The following RNF135 variants were observed in gnomAD, a reference collection of about 807,000 sequenced individuals.
RNF135 encodes the protein E3 ubiquitin-protein ligase RNF135.
Under a neutral mutation model 41.9 loss-of-function variants are expected in RNF135, and 46 were observed. The ratio of observed to expected loss-of-function variants is 1.10; its 90% CI spans 0.87 to 1.40. The LOEUF is 1.40. Ranked by LOEUF, RNF135 falls within the 40% of genes most tolerant of loss-of-function variation. The pLI is 0.00. For missense variants in RNF135, 539 were observed against 549.8 expected (o/e 0.98, Z 0.20); for synonymous variants, 238 against 223.8 (o/e 1.06, Z -0.57).
In RNF135 at chr17:30,999,136, G is replaced by A; in HGVS notation, c.1244G>A (p.Trp415Ter). 6.2e-7 allele frequency: 1 copy of A among 1,614,122 alleles called. No individual in the cohort carries two copies. Among genetic ancestry groups the A allele is most frequent in the Non-Finnish European group, 8.5e-7 (1 of 1,180,032 alleles). Reference sequence around the variant, plus strand: ...TCCTCTCCTTTGTACCCTGCCTTCTGGCTGTATGGCTTACATCCTGGAAAT... The same window carrying A: ...TCCTCTCCTTTGTACCCTGCCTTCTAGCTGTATGGCTTACATCCTGGAAAT... ...SASSPLYPAFWLYGLHPGNYL... is the reference protein window; with the variant it reads ...SASSPLYPAF The change falls in exon 5 of 5, where the codon TGG (tryptophan) becomes TAG (stop). Residue 415 changes from tryptophan to a stop codon, truncating the protein, a stop_gained. Transcript: ENST00000328381. LOFTEE classifies it high-confidence loss of function.
chr17:30,998,641 G>T (rs1567751047), intron 4 of RNF135, 21 bp from the exon 5 acceptor site: 4 of 1,608,732 alleles, frequency 2.5e-6, no homozygotes, highest in Non-Finnish European at 3.4e-6. Context: ...TGTTCTTATT[G>T]TTCTTTTTTT....
intron 1 of RNF135, 169 bp downstream of exon 1, chr17:30,971,614 G>A (rs944656302): frequency 1.8e-5 from 24 of 1,352,382 alleles, no homozygotes; most frequent in Non-Finnish European, 2.2e-5. Context: ...GTTCATAAAA[G>A]TATGAAGAAG....
Position 30,979,542 on chromosome 17 carries a change from C to A in RNF135, c.373-5075C>A, listed in dbSNP as rs1275232095. On this transcript the variant is annotated intron_variant, in intron 1 of 4. Transcript: ENST00000328381. The stretch of plus-strand genomic sequence containing the variant: ...CGGGGCAGCTGGCCGACCCCCCCCC[C>A]CCGCCTCCCTCCCGGACGGGGCGGC... 9.8e-4 allele frequency among the ~76,000 whole-genome samples: 98 copies of A among 99,660 alleles called. 8 individuals are homozygous for A. The highest frequency in any genetic ancestry group is 3.4e-3 in the African/African-American group (93 of 27,628). 65.4% of individuals were successfully genotyped at this position (99,660 alleles called of 152,430 possible). A position where few individuals can be genotyped will look rare whatever the true frequency, so the allele number is the denominator to read the frequency against.
At chr17:30,980,932 A>G (rs933992768) in intron 1 of RNF135, among the ~76,000 whole-genome samples, 3 of 150,904 alleles carry the variant, frequency 2.0e-5, no homozygotes, top group Admixed American at 6.6e-5. Flanking sequence ...GTGGCCAAGC[A>G]GAGAAGCTCC....
At chr17:30,983,320 CATATATATATATATATATATAT>C (rs1189144519) in intron 1 of RNF135, among the ~76,000 whole-genome samples, 1 of 37,076 alleles carries the variant, frequency 2.7e-5, no homozygotes, top group African/African-American at 6.3e-5. Flanking sequence ...CATATATGTA[CATATATATATATATATATATAT>C]ATATATATAT....
At chr17:30,981,584 T>G (rs1320206660) in intron 1 of RNF135, among the ~76,000 whole-genome samples, 1 of 152,236 alleles carries the variant, frequency 6.6e-6, no homozygotes, top group African/African-American at 2.4e-5. Flanking sequence ...GGTGGGGTCA[T>G]GTTTTCCTGA....
intron 1 of RNF135, among the ~76,000 whole-genome samples, chr17:30,982,014 C>T (rs1020323843): frequency 3.9e-5 from 6 of 152,228 alleles, no homozygotes; most frequent in African/African-American, 1.4e-4. Context: ...AGCACTGTGC[C>T]TTACCCAAGC....
At position 30,997,529 on chromosome 17, in the gene RNF135, C is replaced by G. The variant is rs200805979; in HGVS notation, c.769+198C>G. The G allele has an allele frequency of 6.3e-5, 41 of 650,082 alleles. No individual in the cohort carries two copies. The Middle Eastern group carries it at 7.6e-4, about 12-fold the overall frequency. The allele number at this position is 650,082 out of a possible 1,614,324, so 40.3% of individuals were successfully genotyped here. ...TCTAGACCCAAGAGCACTCAGAGTC[C>G]CGCCAACCTTTGAGCATCTCTGCTG... On this transcript the variant is annotated intron_variant, in intron 4 of 4. Transcript: ENST00000328381.
chr17:30,987,008 A>G (rs1363862999), intron 2 of RNF135, among the ~76,000 whole-genome samples: 2 of 152,054 alleles, frequency 1.3e-5, no homozygotes, highest in Admixed American at 1.3e-4. Flanking sequence ...CCGTATTTTG[A>G]TTGGTGGAAA....
At chr17:30,993,618 A>AT in intron 3 of RNF135, among the ~76,000 whole-genome samples, 1 of 152,248 alleles carries the variant, frequency 6.6e-6, no homozygotes, top group Non-Finnish European at 1.5e-5. Flanking sequence ...CTGGAGAACC[A>AT]TGATTCTTTG....
chr17:30,991,934 ATT>A (rs369208967), intron 3 of RNF135, among the ~76,000 whole-genome samples: 2 of 140,118 alleles, frequency 1.4e-5, no homozygotes, highest in Non-Finnish European at 1.6e-5. Flanking sequence ...AATTTATGTA[ATT>A]TTTTTTTTTT....
intron 1 of RNF135, among the ~76,000 whole-genome samples, chr17:30,974,141 T>C (rs778876106): frequency 3.3e-5 from 5 of 152,148 alleles, no homozygotes; most frequent in African/African-American, 4.8e-5. Flanking sequence ...GAGTTTGAGG[T>C]TGCAGTGAGC....
chr17:30,964,276 C>CTGG, the RNF135 span, among the ~76,000 whole-genome samples: 2 of 151,050 alleles, frequency 1.3e-5, no homozygotes, highest in Admixed American at 1.3e-4. Context: ...GTAATCCCAG[C>CTGG]TACTTGGGAG....
chr17:30,971,626 A>G (rs1478568896), intron 1 of RNF135, 181 bp downstream of exon 1: 3 of 1,353,894 alleles, frequency 2.2e-6, no homozygotes, highest in Non-Finnish European at 1.9e-6. Context: ...ATGAAGAAGT[A>G]GAAAAAAACA....
chr17:30,975,286 G>T, intron 1 of RNF135: 1 of 586,654 alleles, frequency 1.7e-6, no homozygotes, highest in East Asian at 2.8e-5. Context: ...TCATGTCACT[G>T]CACTCCAGCC....
intron 1 of RNF135, among the ~76,000 whole-genome samples, chr17:30,979,638 G>C (rs1189469034): frequency 3.6e-5 from 4 of 111,710 alleles, no homozygotes; most frequent in African/African-American, 1.4e-4. Flanking sequence ...CCTCCCGGAC[G>C]GGGCGGCTGG....
the RNF135 span, among the ~76,000 whole-genome samples, chr17:30,962,820 T>G: frequency 6.6e-6 from 1 of 152,134 alleles, no homozygotes; most frequent in East Asian, 1.9e-4. Context: ...CCATCAACAT[T>G]TGGTTAGATA....
chr17:30,983,634 A>G (rs759490231), intron 1 of RNF135, among the ~76,000 whole-genome samples: 4 of 151,748 alleles, frequency 2.6e-5, no homozygotes, highest in Non-Finnish European at 4.4e-5. Context: ...GATTACAGCC[A>G]TGAGCTATTG....
intron 1 of RNF135, 147 bp from the exon 2 acceptor site, chr17:30,984,470 G>A (rs1184849975): frequency 2.4e-6 from 2 of 817,284 alleles, no homozygotes; most frequent in Non-Finnish European, 4.0e-6. Flanking sequence ...ATATGTGAGA[G>A]TTTATTTCTG....
Sources: allele counts gnomAD v4.1 joint callset (sites outside exome capture counted in the v4.1 genomes callset), GRCh38; gene constraint gnomAD v4.1.1; transcripts MANE v1.5; gene names NCBI Gene and HGNC (gene_info 2026-07-23, HGNC 2026-07-21).